Variants in ZMIZ1 observed in about 807,000 individuals in gnomAD.
ZMIZ1 encodes the protein zinc finger MIZ domain-containing protein 1.
In ZMIZ1, 17 loss-of-function variants were observed where a neutral mutation model predicts 113.9. That is an observed-to-expected ratio of 0.15 (90% CI 0.10 to 0.22). ZMIZ1 has a LOEUF of 0.22. Among genes scored for constraint, ZMIZ1 ranks in the 10% least tolerant of loss-of-function variants. The pLI, the probability that ZMIZ1 is intolerant of heterozygous loss-of-function variation, is 1.00. For synonymous variants in ZMIZ1, 607 were observed against 603.1 expected (o/e 1.01, Z -0.09); for missense variants, 1,059 against 1,477.8 (o/e 0.72, Z 4.65).
At chr10:79,123,242 G>T (rs772718140) in intron 2 of ZMIZ1, among the ~76,000 whole-genome samples, 98 of 152,212 alleles carry the variant, frequency 6.4e-4, no homozygotes, top group Non-Finnish European at 2.5e-4. Flanking sequence ...TGAGTGTGGA[G>T]GATGCTGGCA....
chr10:79,297,544 C>T (rs183648725), intron 13 of ZMIZ1, 69 bp from the exon 14 acceptor site: 2 of 1,368,542 alleles, frequency 1.5e-6, no homozygotes, highest in East Asian at 4.6e-5. Flanking sequence ...ATTTTACTGT[C>T]CAGAGGGAGA....
At chr10:79,305,051 T>A (rs1814093580) in intron 19 of ZMIZ1, 113 bp from the exon 20 acceptor site, 1 of 1,235,960 alleles carries the variant, frequency 8.1e-7, no homozygotes, top group Non-Finnish European at 1.2e-6. Context: ...CCGGGGTTTC[T>A]CCCACAGCCT....
chr10:79,189,052 G>A (rs1247074860), intron 4 of ZMIZ1, among the ~76,000 whole-genome samples: 1 of 152,222 alleles, frequency 6.6e-6, no homozygotes, highest in South Asian at 2.1e-4. Context: ...GTCTTTATTA[G>A]AGATGGTGCC....
intron 3 of ZMIZ1, among the ~76,000 whole-genome samples, chr10:79,140,075 G>A (rs748111911): frequency 2.6e-5 from 4 of 152,216 alleles, no homozygotes; most frequent in Non-Finnish European, 5.9e-5. Flanking sequence ...TGTCTGATTT[G>A]GTTGAGCCAT....
intron 3 of ZMIZ1, among the ~76,000 whole-genome samples, chr10:79,145,162 C>T (rs35339173): frequency 0.19 from 28,357 of 151,684 alleles, 3,058 homozygotes; most frequent in Non-Finnish European, 0.24. Flanking sequence ...ATCTTCCTTT[C>T]TTCTCTCTAT....
chr10:79,296,420 G>GA lies in ZMIZ1; in HGVS notation c.1231-50dup, dbSNP rs768926560. On this transcript the variant is annotated intron_variant, in intron 12 of 24. Transcript: ENST00000334512. The surrounding 1 kb of genome is among the most constrained non-coding windows in gnomAD (Gnocchi z 4.1). ...CGTTGTTCAGGTGACCTGGCTATGT[G>GA]ACGTTGGCAACATTGAACGTGTTTC... 6.2e-7 allele frequency: 1 copy of GA among 1,600,764 alleles called. No individual in the cohort carries two copies. The highest frequency in any genetic ancestry group is 8.5e-7 in the Non-Finnish European group (1 of 1,170,128).
At chr10:79,262,425 C>T (rs1851323411) in intron 7 of ZMIZ1, among the ~76,000 whole-genome samples, 1 of 152,226 alleles carries the variant, frequency 6.6e-6, no homozygotes, top group Non-Finnish European at 1.5e-5. Flanking sequence ...ATCATTCAGC[C>T]CTGCTCTGGG....
chr10:79,266,296 A>G (rs1851598916), intron 7 of ZMIZ1, among the ~76,000 whole-genome samples: 1 of 152,190 alleles, frequency 6.6e-6, no homozygotes, highest in South Asian at 2.1e-4. Context: ...ATGTCACAGA[A>G]TTATGGGCAT....
chr10:79,186,485 G>C (rs1461831794), intron 4 of ZMIZ1, among the ~76,000 whole-genome samples: 2 of 152,214 alleles, frequency 1.3e-5, no homozygotes, highest in Non-Finnish European at 2.9e-5. Context: ...GGGATTTCCA[G>C]CGGGTCTTTC....
At chr10:79,252,983 G>A (rs1328981758) in intron 7 of ZMIZ1, among the ~76,000 whole-genome samples, 1 of 152,206 alleles carries the variant, frequency 6.6e-6, no homozygotes, top group Non-Finnish European at 1.5e-5. Flanking sequence ...CAAAAGAAGA[G>A]CTGGGTTCTC....
intron 3 of ZMIZ1, among the ~76,000 whole-genome samples, chr10:79,150,286 C>G (rs1251808120): frequency 6.6e-6 from 1 of 152,258 alleles, no homozygotes; most frequent in Non-Finnish European, 1.5e-5. Context: ...TGGCACTTCT[C>G]CTATTTCCCA....
intron 7 of ZMIZ1, among the ~76,000 whole-genome samples, chr10:79,243,341 G>T (rs931346034): frequency 7.3e-4 from 109 of 150,062 alleles, no homozygotes; most frequent in Non-Finnish European, 1.1e-3. Flanking sequence ...GCGGCTGGCT[G>T]CCTCCTCGGC....
chr10:79,189,289 G>T (rs1174772967), intron 4 of ZMIZ1, among the ~76,000 whole-genome samples: 1 of 152,186 alleles, frequency 6.6e-6, no homozygotes, highest in Non-Finnish European at 1.5e-5. Flanking sequence ...TTGAGCTCAT[G>T]GTATGGTTCC....
intron 6 of ZMIZ1, among the ~76,000 whole-genome samples, chr10:79,213,240 C>T (rs1162501333): frequency 6.6e-6 from 1 of 152,246 alleles, no homozygotes; most frequent in African/African-American, 2.4e-5. Flanking sequence ...TGAGCCCACG[C>T]TCCCACCACT....
Position 79,118,174 on chromosome 10 carries a change from G to A in ZMIZ1, c.-336-741G>A, listed in dbSNP as rs908779366. Among the ~76,000 whole-genome samples the A allele has an allele frequency of 1.3e-5, 2 of 152,172 alleles. No individual in the cohort carries two copies. Among genetic ancestry groups the A allele is most frequent in the Non-Finnish European group, 2.9e-5 (2 of 68,034 alleles). On this transcript the variant is annotated intron_variant, in intron 1 of 24. Coordinates refer to ENST00000334512, the MANE Select transcript of ZMIZ1 (RefSeq NM_020338.4). The surrounding 1 kb of genome is among the most constrained non-coding windows in gnomAD (Gnocchi z 4.1). ...CAAGGAAAAGTATCAACCTCACCAA[G>A]TCCCTTTCTTCTCATCAATCTGACC... is the stretch of plus-strand genomic sequence containing the variant.
intron 1 of ZMIZ1, among the ~76,000 whole-genome samples, chr10:79,078,516 A>G (rs1026363590): frequency 1.3e-5 from 2 of 150,656 alleles, no homozygotes; most frequent in African/African-American, 4.9e-5. Flanking sequence ...GCTCAGAGTA[A>G]ATAGTTTGCT....
At chr10:79,303,980 G>T (rs758011128) in intron 18 of ZMIZ1, 35 bp from the exon 19 acceptor site, 2 of 1,612,180 alleles carry the variant, frequency 1.2e-6, no homozygotes, top group East Asian at 4.5e-5. Context: ...GGACTGTCTT[G>T]CCATCCTCAC....
At chr10:79,224,258 G>A (rs1394835128) in intron 7 of ZMIZ1, among the ~76,000 whole-genome samples, 1 of 152,280 alleles carries the variant, frequency 6.6e-6, no homozygotes. Flanking sequence ...GGAGGGGGCC[G>A]GAGGGTGACT....
At chr10:79,175,622 GTGTGTGTGGAGGTTTT>G (rs1254934191) in intron 4 of ZMIZ1, among the ~76,000 whole-genome samples, 2,373 of 112,794 alleles carry the variant, frequency 0.021, 75 homozygotes, top group African/African-American at 0.086. Context: ...GTGTGTGTGT[GTGTGTGTGGAGGTTTT>G]TACAGACCCG....
Sources: allele counts gnomAD v4.1 joint callset (sites outside exome capture counted in the v4.1 genomes callset), GRCh38; gene constraint gnomAD v4.1.1; non-coding constraint Gnocchi (gnomAD v3.1); transcripts MANE v1.5; gene names NCBI Gene and HGNC (gene_info 2026-07-23, HGNC 2026-07-21).